Variants in PHF24 observed in about 807,000 individuals in gnomAD.
PHF24 encodes the protein Galpha inhibitory interacting protein.
A neutral mutation model predicts 42.6 loss-of-function variants in PHF24; 25 were observed. That is an observed-to-expected ratio of 0.59 (90% CI 0.43 to 0.82). The LOEUF (loss-of-function observed/expected upper bound fraction) is 0.82, where lower values mean the gene tolerates loss of function less well. PHF24 is among the 40% of genes least tolerant of loss of function. PHF24 has a pLI of 0.00. For synonymous variants in PHF24, 185 were observed against 204.8 expected (o/e 0.90, Z 0.83); for missense variants, 470 against 538.1 (o/e 0.87, Z 1.25).
chr9:34,924,055 T>C, the PHF24 span, among the ~76,000 whole-genome samples: 2 of 152,204 alleles, frequency 1.3e-5, no homozygotes, highest in African/African-American at 4.8e-5. Context: ...AATCTCTCCA[T>C]TGACCCACTA....
At chr9:34,773,899 G>T in the PHF24 span, among the ~76,000 whole-genome samples, 1 of 152,174 alleles carries the variant, frequency 6.6e-6, no homozygotes, top group Non-Finnish European at 1.5e-5. Flanking sequence ...GGTCCTGGAT[G>T]GGATCCAGGG....
the PHF24 span, among the ~76,000 whole-genome samples, chr9:34,878,327 CATTTCCAACTGA>C: frequency 6.6e-6 from 1 of 152,302 alleles, no homozygotes; most frequent in South Asian, 2.1e-4. Context: ...GTGATTTCTG[CATTTCCAACTGA>C]GGTACCGGGT....
At chr9:34,751,572 G>C in the PHF24 span, among the ~76,000 whole-genome samples, 4 of 152,154 alleles carry the variant, frequency 2.6e-5, no homozygotes, top group African/African-American at 7.2e-5. Flanking sequence ...TAGAGCTAAA[G>C]AGAGAGATAG....
At chr9:34,803,659 T>A in the PHF24 span, among the ~76,000 whole-genome samples, 1 of 152,144 alleles carries the variant, frequency 6.6e-6, no homozygotes, top group Non-Finnish European at 1.5e-5. Context: ...GCGCCTTCCT[T>A]GACGAAAATG....
At chr9:34,786,828 G>A in the PHF24 span, among the ~76,000 whole-genome samples, 7 of 152,252 alleles carry the variant, frequency 4.6e-5, no homozygotes, top group South Asian at 4.1e-4. Flanking sequence ...GGGATAACCC[G>A]GTTGACTCGT....
chr9:34,939,173 G>A, the PHF24 span, among the ~76,000 whole-genome samples: 46 of 152,056 alleles, frequency 3.0e-4, no homozygotes, highest in Non-Finnish European at 1.0e-4. Context: ...CCAGCTACTC[G>A]GGAGGCTGAG....
At chr9:34,857,720 T>G in the PHF24 span, among the ~76,000 whole-genome samples, 2 of 152,232 alleles carry the variant, frequency 1.3e-5, no homozygotes, top group African/African-American at 4.8e-5. Flanking sequence ...GAGCCATAGA[T>G]GCAGCTGCTT....
chr9:34,697,501 G>A, the PHF24 span, among the ~76,000 whole-genome samples: 1 of 152,102 alleles, frequency 6.6e-6, no homozygotes, highest in Non-Finnish European at 1.5e-5. Context: ...TGTATTTTTA[G>A]TAGAGATGGG....
chr9:34,772,687 A>C, the PHF24 span, among the ~76,000 whole-genome samples: 2 of 152,226 alleles, frequency 1.3e-5, no homozygotes, highest in Non-Finnish European at 2.9e-5. Context: ...AACTAAATGT[A>C]GTAAGTGGAT....
At chr9:34,702,604 G>A in the PHF24 span, among the ~76,000 whole-genome samples, 2 of 152,286 alleles carry the variant, frequency 1.3e-5, no homozygotes, top group African/African-American at 2.4e-5. Context: ...AGGTCACCAA[G>A]GTCACAAGGT....
At chr9:34,807,625 A>G in the PHF24 span, among the ~76,000 whole-genome samples, 6 of 152,208 alleles carry the variant, frequency 3.9e-5, no homozygotes, top group African/African-American at 1.4e-4. Context: ...AACCACTGAG[A>G]GAGTCTTTAG....
At chr9:34,804,059 TG>T in the PHF24 span, among the ~76,000 whole-genome samples, 4 of 152,126 alleles carry the variant, frequency 2.6e-5, no homozygotes, top group Non-Finnish European at 4.4e-5. Flanking sequence ...CCAAGCTTGG[TG>T]GAAGTAAAAG....
the PHF24 span, among the ~76,000 whole-genome samples, chr9:34,676,138 T>A: frequency 4.6e-5 from 7 of 152,178 alleles, no homozygotes. Flanking sequence ...CAAGCCCAGA[T>A]GTTGCAACTG....
At chr9:34,695,289 G>T in the PHF24 span, among the ~76,000 whole-genome samples, 5 of 152,196 alleles carry the variant, frequency 3.3e-5, no homozygotes, top group Non-Finnish European at 5.9e-5. Context: ...GGGGCTTCTG[G>T]ATAGCTGAAA....
At chr9:34,719,494 T>C in the PHF24 span, among the ~76,000 whole-genome samples, 1 of 152,232 alleles carries the variant, frequency 6.6e-6, no homozygotes, top group Non-Finnish European at 1.5e-5. Flanking sequence ...AATCATAGGC[T>C]CTGACCCTGA....
chr9:34,769,476 A>G, the PHF24 span, among the ~76,000 whole-genome samples: 1 of 152,194 alleles, frequency 6.6e-6, no homozygotes, highest in South Asian at 2.1e-4. Flanking sequence ...AGAAAGACTC[A>G]ACAATTCTTC....
the PHF24 span, among the ~76,000 whole-genome samples, chr9:34,796,430 A>C: frequency 2.6e-5 from 4 of 152,066 alleles, no homozygotes; most frequent in African/African-American, 7.2e-5. Context: ...TTTAAAAAAA[A>C]ACAAGATATT....
At chr9:34,963,024 G>A (rs1443664420) in intron 1 of PHF24, among the ~76,000 whole-genome samples, 1 of 152,202 alleles carries the variant, frequency 6.6e-6, no homozygotes, top group African/African-American at 2.4e-5. Context: ...TAAACAGGCT[G>A]AATGAAGAGA....
the PHF24 span, among the ~76,000 whole-genome samples, chr9:34,802,514 T>C: frequency 6.6e-6 from 1 of 152,236 alleles, no homozygotes; most frequent in Non-Finnish European, 1.5e-5. Context: ...GTTAATACTC[T>C]GTGATTGTCA....
Sources: allele counts gnomAD v4.1 joint callset (sites outside exome capture counted in the v4.1 genomes callset), GRCh38; gene constraint gnomAD v4.1.1; transcripts MANE v1.5; gene names NCBI Gene and HGNC (gene_info 2026-07-23, HGNC 2026-07-21).